The following SCN9A variants were observed in gnomAD, a reference collection of about 807,000 sequenced individuals.
SCN9A encodes the protein sodium voltage-gated channel alpha subunit 9, also known as sodium channel protein type 9 subunit alpha.
Under a neutral mutation model 187.0 loss-of-function variants are expected in SCN9A, and 131 were observed. That is an observed-to-expected ratio of 0.70 (90% confidence interval 0.61 to 0.81). SCN9A has a LOEUF of 0.81. Among genes scored for constraint, SCN9A ranks in the 30% least tolerant of loss-of-function variants. The pLI, the probability that SCN9A is intolerant of heterozygous loss-of-function variation, is 0.00. For synonymous variants in SCN9A, 809 were observed against 808.6 expected (o/e 1.00, Z -0.01); for missense variants, 2,252 against 2,396.6 (o/e 0.94, Z 1.26).
At chr2:166,367,784 A>G (rs1700454472) in intron 1 of SCN9A, among the ~76,000 whole-genome samples, 1 of 152,194 alleles carries the variant, frequency 6.6e-6, no homozygotes. Flanking sequence ...AACACTTTAA[A>G]TGCATAGGTA....
At chr2:166,310,637 C>A (rs1698911427) in intron 2 of SCN9A, among the ~76,000 whole-genome samples, 1 of 135,664 alleles carries the variant, frequency 7.4e-6, no homozygotes, top group South Asian at 2.4e-4. Context: ...AATAGGAACA[C>A]TTTTACACTG....
At chr2:166,323,695 A>G (rs1699297414) in intron 1 of SCN9A, among the ~76,000 whole-genome samples, 1 of 152,130 alleles carries the variant, frequency 6.6e-6, no homozygotes, top group Non-Finnish European at 1.5e-5. Flanking sequence ...GTGTCAGGGC[A>G]CCAATTCTAT....
chr2:166,287,710 A>AGAGG (rs1235209030), intron 10 of SCN9A, among the ~76,000 whole-genome samples: 2 of 151,934 alleles, frequency 1.3e-5, no homozygotes, highest in Non-Finnish European at 2.9e-5. Context: ...ATCTCTCTGG[A>AGAGG]AAGAGGATTA....
intron 17 of SCN9A, among the ~76,000 whole-genome samples, chr2:166,269,382 A>G (rs1398084784): frequency 6.6e-6 from 1 of 152,010 alleles, no homozygotes; most frequent in African/African-American, 2.4e-5. Flanking sequence ...CTATAGCTGC[A>G]TGGCTTTATA....
chr2:166,368,060 G>A (rs548538509), intron 1 of SCN9A, among the ~76,000 whole-genome samples: 23 of 152,250 alleles, frequency 1.5e-4, no homozygotes, highest in Admixed American at 5.2e-4. Flanking sequence ...ATGTGCAAAC[G>A]TATTCTTGGA....
At position 166,196,151 on chromosome 2, in the gene SCN9A, T is replaced by C. The variant is rs148678930; in HGVS notation, c.*2521A>G. ...TTGGGTGTAATAAGTTCAGCGATTA[T>C]AAAATTTAAATATTAATATGACAGT... is the stretch of plus-strand genomic sequence containing the variant. On this transcript the variant is annotated 3_prime_UTR_variant, in exon 27 of 27. Transcript: ENST00000642356. 28 of 152,292 alleles carry C rather than the reference T, an allele frequency of 1.8e-4. No individual in the cohort carries two copies. The highest frequency in any genetic ancestry group is 1.7e-3 in the East Asian group (9 of 5,184). 9.4% of individuals were successfully genotyped at this position (152,292 alleles called of 1,614,324 possible).
chr2:166,346,818 T>C (rs761950663), intron 1 of SCN9A, among the ~76,000 whole-genome samples: 1 of 152,168 alleles, frequency 6.6e-6, no homozygotes, highest in Non-Finnish European at 1.5e-5. Flanking sequence ...TAATAAAGTA[T>C]GTAATTTGTG....
At chr2:166,264,985 G>C (rs1341102549) in intron 17 of SCN9A, among the ~76,000 whole-genome samples, 1 of 151,906 alleles carries the variant, frequency 6.6e-6, no homozygotes, top group Non-Finnish European at 1.5e-5. Context: ...GTGATAGTTT[G>C]ATACATGTAT....
intron 17 of SCN9A, among the ~76,000 whole-genome samples, chr2:166,252,200 C>A (rs1467444728): frequency 6.6e-6 from 1 of 151,780 alleles, no homozygotes; most frequent in African/African-American, 2.4e-5. Flanking sequence ...TTGACCACAT[C>A]TTATTTTTTA....
chr2:166,268,319 A>T (rs1244912149), intron 17 of SCN9A, among the ~76,000 whole-genome samples: 1 of 152,054 alleles, frequency 6.6e-6, no homozygotes, highest in Non-Finnish European at 1.5e-5. Context: ...AGACTTAATG[A>T]CATAAATATA....
At chr2:166,285,071 C>T (rs1467262185) in intron 11 of SCN9A, among the ~76,000 whole-genome samples, 1 of 152,208 alleles carries the variant, frequency 6.6e-6, no homozygotes, top group Non-Finnish European at 1.5e-5. Flanking sequence ...CTCTAATATT[C>T]TGGCCTAGAG....
intron 9 of SCN9A, among the ~76,000 whole-genome samples, chr2:166,289,199 G>A (rs1028017198): frequency 6.7e-6 from 1 of 150,160 alleles, no homozygotes. Flanking sequence ...AAGGTACAGA[G>A]ATTTTTTTTT....
intron 17 of SCN9A, among the ~76,000 whole-genome samples, chr2:166,271,495 G>A (rs763066590): frequency 2.0e-5 from 3 of 152,082 alleles, no homozygotes; most frequent in Non-Finnish European, 4.4e-5. Context: ...GTGAGCACTA[G>A]GAGATAGAGC....
chr2:166,238,874 T>C (rs887368765), intron 19 of SCN9A, among the ~76,000 whole-genome samples: 4 of 152,222 alleles, frequency 2.6e-5, no homozygotes, highest in African/African-American at 9.6e-5. Context: ...GCTCTAAAAA[T>C]CACTGTTCTA....
intron 16 of SCN9A, among the ~76,000 whole-genome samples, chr2:166,274,226 C>A (rs1697128549): frequency 6.6e-6 from 1 of 152,000 alleles, no homozygotes; most frequent in Admixed American, 6.6e-5. Flanking sequence ...TTCTTTCCTT[C>A]AAAAATCATA....
At chr2:166,292,695 G>C (rs1396349827) in intron 9 of SCN9A, among the ~76,000 whole-genome samples, 1 of 151,994 alleles carries the variant, frequency 6.6e-6, no homozygotes, top group Non-Finnish European at 1.5e-5. Context: ...ATAGCCACAT[G>C]AATTACCACT....
intron 20 of SCN9A, among the ~76,000 whole-genome samples, chr2:166,237,625 T>A (rs1008299300): frequency 6.6e-6 from 1 of 152,128 alleles, no homozygotes; most frequent in African/African-American, 2.4e-5. Flanking sequence ...TGTATAATGA[T>A]TTTTAGAAAA....
intron 7 of SCN9A, chr2:166,298,587 G>A (rs1010248436): frequency 1.4e-5 from 2 of 145,496 alleles, no homozygotes; most frequent in Non-Finnish European, 3.1e-5. Flanking sequence ...TGTGTAGATT[G>A]CCTTTACCAT....
intron 18 of SCN9A, among the ~76,000 whole-genome samples, chr2:166,247,603 G>A (rs60415782): frequency 0.01 from 1,576 of 152,062 alleles, 28 homozygotes; most frequent in African/African-American, 0.035. Context: ...TGCAACCTCT[G>A]CCTCCTGGGT....
Sources: gnomAD v4.1 joint callset for allele counts (sites outside exome capture counted in the v4.1 genomes callset) on GRCh38, gnomAD v4.1.1 for gene constraint, MANE v1.5 for transcripts, NCBI Gene and HGNC (gene_info 2026-07-23, HGNC 2026-07-21) for gene names.